Variants in ITPRID1 observed in about 807,000 individuals in gnomAD.
ITPRID1 encodes the protein ITPR interacting domain containing 1.
In ITPRID1, 96 loss-of-function variants were observed where a neutral mutation model predicts 95.4. The ratio of observed to expected loss-of-function variants is 1.01; its 90% CI spans 0.85 to 1.19. The LOEUF (loss-of-function observed/expected upper bound fraction) is 1.19. Ranked by LOEUF, ITPRID1 falls within the 50% of genes most tolerant of loss-of-function variation. ITPRID1 has a pLI of 0.00. For missense variants in ITPRID1, 1,339 were observed against 1,252.9 expected (o/e 1.07, Z -1.04); for synonymous variants, 510 against 453.6 (o/e 1.12, Z -1.58).
chr7:31,564,344 T>A (rs1276339205), intron 5 of ITPRID1, among the ~76,000 whole-genome samples: 1 of 151,916 alleles, frequency 6.6e-6, no homozygotes, highest in Non-Finnish European at 1.5e-5. Context: ...TGGGAAAAAT[T>A]TTTTTCTCAC....
At chr7:31,636,872 T>TC (rs1413523256) in intron 10 of ITPRID1, among the ~76,000 whole-genome samples, 7 of 48,368 alleles carry the variant, frequency 1.4e-4, no homozygotes, top group Non-Finnish European at 2.0e-4. Context: ...ATGCTATCCC[T>TC]CCCCCCTCCC....
intron 10 of ITPRID1, among the ~76,000 whole-genome samples, chr7:31,636,106 A>G (rs1013999241): frequency 6.6e-6 from 1 of 151,704 alleles, no homozygotes; most frequent in Non-Finnish European, 1.5e-5. Flanking sequence ...ATCAGATCTC[A>G]TGAGAACTCA....
At chr7:31,584,219 T>A (rs989339828) in intron 10 of ITPRID1, among the ~76,000 whole-genome samples, 7 of 152,232 alleles carry the variant, frequency 4.6e-5, no homozygotes, top group African/African-American at 1.4e-4. Flanking sequence ...TGCAAATTTT[T>A]AATTTAATTT....
At chr7:31,519,627 T>C (rs1178307914) in intron 1 of ITPRID1, among the ~76,000 whole-genome samples, 4 of 112,684 alleles carry the variant, frequency 3.5e-5, no homozygotes, top group East Asian at 3.0e-4. Context: ...TCTCTATATA[T>C]ATATATATAT....
At chr7:31,657,005 T>A (rs1049501452), downstream of ITPRID1, among the ~76,000 whole-genome samples, 2 of 149,654 alleles carry the variant, frequency 1.3e-5, no homozygotes, top group Admixed American at 6.7e-5. Flanking sequence ...ATTATACCAC[T>A]GGCTTTCCTG....
intron 10 of ITPRID1, among the ~76,000 whole-genome samples, chr7:31,636,797 A>G (rs1484443685): frequency 6.6e-6 from 1 of 151,562 alleles, no homozygotes; most frequent in African/African-American, 2.4e-5. Flanking sequence ...TTACATATGT[A>G]TACATGTGCC....
chr7:31,619,261 T>G lies in ITPRID1; in HGVS notation c.1229-22915T>G, dbSNP rs191312936. ...AAATGGAAGGCATAATGACTAGATTTCTGGGTAAACTCTCATAATTTACAT... is the reference window on the plus strand; with the variant it reads ...AAATGGAAGGCATAATGACTAGATTGCTGGGTAAACTCTCATAATTTACAT... On this transcript the variant is annotated intron_variant, in intron 10 of 14. Coordinates refer to ENST00000615280, the MANE Select transcript of ITPRID1 (RefSeq NM_001257967.3). Among the ~76,000 whole-genome samples the G allele has an allele frequency of 2.9e-4, 44 of 152,284 alleles. No homozygotes were observed. The East Asian group carries it at 8.3e-3, about 29-fold the overall frequency.
At chr7:31,576,699 A>T (rs1785195653) in intron 8 of ITPRID1, among the ~76,000 whole-genome samples, 1 of 152,134 alleles carries the variant, frequency 6.6e-6, no homozygotes, top group Admixed American at 6.6e-5. Context: ...AGGTAAAAGA[A>T]AAAGGTAGGC....
At chr7:31,615,923 T>C (rs1264466373) in intron 10 of ITPRID1, among the ~76,000 whole-genome samples, 1 of 151,816 alleles carries the variant, frequency 6.6e-6, no homozygotes. Context: ...CTGGCTAATT[T>C]TTTTTGTATT....
In ITPRID1 at chr7:31,642,764, C is replaced by A. The variant is rs1473052196; in HGVS notation, c.1394C>A (p.Ser465Tyr). 5 of 1,613,872 alleles carry A rather than the reference C, an allele frequency of 3.1e-6. No individual in the cohort carries two copies. In the South Asian group the frequency reaches 5.5e-5, roughly 18 times the overall value. Residue 465 changes from serine (S) to tyrosine (Y), a missense_variant, in exon 12 of 15, where the codon TCC becomes TAC. By Grantham distance (144) the Ser-to-Tyr change is moderately radical. Transcript: ENST00000615280. ...GATCAGAGCCACAGCTTAGTATCAT[C>A]CCAGGACTGTCAGCTAGAGTCGGAT... The part of the protein sequence containing the change: ...PRDQSHSLVS[S>Y]QDCQLESDGP...
At chr7:31,616,851 C>A (rs1393732160) in intron 10 of ITPRID1, among the ~76,000 whole-genome samples, 1 of 151,242 alleles carries the variant, frequency 6.6e-6, no homozygotes, top group Non-Finnish European at 1.5e-5. Flanking sequence ...GATATCCAAA[C>A]CTCTCTTAAC....
At chr7:31,632,997 C>T (rs1789154516) in intron 10 of ITPRID1, among the ~76,000 whole-genome samples, 1 of 152,066 alleles carries the variant, frequency 6.6e-6, no homozygotes, top group Admixed American at 6.5e-5. Context: ...AGTGATTCTC[C>T]TGCCTCAGCC....
intron 9 of ITPRID1, among the ~76,000 whole-genome samples, chr7:31,580,327 C>T (rs1055017307): frequency 4.7e-5 from 7 of 147,626 alleles, no homozygotes; most frequent in Non-Finnish European, 7.5e-5. Context: ...AATGTTAAAT[C>T]AATCTGCTAT....
intron 5 of ITPRID1, among the ~76,000 whole-genome samples, chr7:31,562,693 G>T (rs1436757767): frequency 1.3e-5 from 2 of 152,104 alleles, no homozygotes; most frequent in African/African-American, 4.8e-5. Flanking sequence ...AACTGTCCAG[G>T]ATCATTATAA....
intron 10 of ITPRID1, among the ~76,000 whole-genome samples, chr7:31,625,435 T>C (rs886928835): frequency 1.3e-5 from 2 of 152,110 alleles, no homozygotes; most frequent in East Asian, 1.9e-4. Context: ...TGGAATACTA[T>C]GCAGCCATAA....
In ITPRID1 at chr7:31,653,069, A is replaced by C; in HGVS notation, c.*240A>C. 2.0e-6 allele frequency: 2 copies of C among 1,003,214 alleles called. No homozygotes were observed. The highest frequency in any genetic ancestry group is 2.7e-6 in the Non-Finnish European group (2 of 735,896). 62.1% of individuals were successfully genotyped at this position (1,003,214 alleles called of 1,614,324 possible). ...GAGTATGCAACAGTGACTAAATAGT[A>C]TACGGTCTCTGCCCTGCTAGAACTT... On this transcript the variant is annotated 3_prime_UTR_variant, in exon 15 of 15. Transcript: ENST00000615280.
At chr7:31,543,897 G>A (rs553379274) in intron 1 of ITPRID1, among the ~76,000 whole-genome samples, 1 of 151,856 alleles carries the variant, frequency 6.6e-6, no homozygotes, top group Admixed American at 6.6e-5. Context: ...TTATAGTTTT[G>A]CATTGTACAT....
chr7:31,593,303 CAACAA>C (rs1785944522), intron 10 of ITPRID1, among the ~76,000 whole-genome samples: 2 of 151,988 alleles, frequency 1.3e-5, no homozygotes, highest in African/African-American at 4.8e-5. Flanking sequence ...GACTCTGACT[CAACAA>C]AACAAAGACA....
chr7:31,578,314 C>T lies in ITPRID1; in HGVS notation c.1050C>T (p.Ser350=). 6.2e-7 allele frequency: 1 copy of T among 1,613,906 alleles called. No homozygotes were observed. The highest frequency in any genetic ancestry group is 1.7e-4 in the Middle Eastern group (1 of 6,060). ...SSMPAKQAPP[S]CVSEGSVKGR... is the part of the protein sequence containing the mutation. ...TGCCGGCCAAGCAGGCTCCTCCTTC[C>T]TGTGTGTCTGAGGGGTCAGTCAAGG... Residue 350 remains serine, a synonymous_variant, in exon 9 of 15, where the codon TCC becomes TCT. Coordinates refer to ENST00000615280, the MANE Select transcript of ITPRID1 (RefSeq NM_001257967.3).
Sources: allele counts gnomAD v4.1 joint callset (sites outside exome capture counted in the v4.1 genomes callset), GRCh38; gene constraint gnomAD v4.1.1; transcripts MANE v1.5; gene names NCBI Gene and HGNC (gene_info 2026-07-23, HGNC 2026-07-21).